Variants in PSME3 observed in about 807,000 individuals in gnomAD.
PSME3 encodes proteasome activator subunit 3.
A neutral mutation model predicts 38.3 loss-of-function variants in PSME3; 7 were observed. The observed-to-expected ratio is 0.18, with a 90% CI of 0.10 to 0.34. The LOEUF is 0.34. Ranked by LOEUF, PSME3 falls within the 10% of genes least tolerant of loss-of-function variation. The probability of loss-of-function intolerance (pLI) is 1.00; values close to 1 mark genes in which losing one functional copy is unlikely to be tolerated. For synonymous variants in PSME3, 108 were observed against 105.7 expected (o/e 1.02, Z -0.13); for missense variants, 192 against 307.6 (o/e 0.62, Z 2.81).
Position 42,838,144 on chromosome 17 carries a change from TGGTGGAC to T in PSME3, c.345_351del (p.Val116LeufsTer5). 6.2e-7 allele frequency: 1 copy of T among 1,614,160 alleles called. No homozygotes were observed. Among genetic ancestry groups the T allele is most frequent in the Non-Finnish European group, 8.5e-7 (1 of 1,180,028 alleles). Reference sequence around the variant, plus strand: ...GGGATGCTGAAAAGCAACCAGCAGCTGGTGGACATTATTGAGAAAGTGAAACCTGAGA... The same window carrying T: ...GGGATGCTGAAAAGCAACCAGCAGCTATTATTGAGAAAGTGAAACCTGAGA... On this transcript the variant is annotated frameshift_variant, in exon 6 of 11. Transcript: ENST00000590720. LOFTEE classifies it high-confidence loss of function.
In PSME3 at chr17:42,842,877, G is replaced by C. The variant is rs974796581; in HGVS notation, c.*1299G>C. The C allele has an allele frequency of 6.5e-6, 1 of 152,738 alleles. No homozygotes were observed. The highest frequency in any genetic ancestry group is 2.4e-5 in the African/African-American group (1 of 41,430). 9.5% of individuals were successfully genotyped at this position (152,738 alleles called of 1,614,324 possible). On this transcript the variant is annotated 3_prime_UTR_variant, in exon 11 of 11. Coordinates refer to ENST00000590720, the MANE Select transcript of PSME3 (RefSeq NM_005789.4). The stretch of plus-strand genomic sequence containing the variant: ...GCAGTCAGCCTGCCAGTGACTCTTA[G>C]TGTCTGTTTCTGACTTATTTTTCCT...
At position 42,842,049 on chromosome 17, in the gene PSME3, G is replaced by A. The variant is rs1555551937; in HGVS notation, c.*471G>A. On this transcript the variant is annotated 3_prime_UTR_variant, in exon 11 of 11. Coordinates refer to ENST00000590720, the MANE Select transcript of PSME3 (RefSeq NM_005789.4). ...GAGGTTACTGTTTCTTTCCTCTGTG[G>A]GGCATTGGATCCTCCCACAGTTGCC... is the stretch of plus-strand genomic sequence containing the variant. The A allele has an allele frequency of 6.5e-6, 1 of 153,032 alleles. No individual in the cohort carries two copies. 9.5% of individuals were successfully genotyped at this position (153,032 alleles called of 1,614,324 possible). A position where few individuals can be genotyped will look rare whatever the true frequency, so the allele number is the denominator to read the frequency against.
At chr17:42,841,369 A>T (rs1298456043) in intron 10 of PSME3, 129 bp from the exon 11 acceptor site, 6 of 434,474 alleles carry the variant, frequency 1.4e-5, no homozygotes, top group African/African-American at 2.0e-5. Flanking sequence ...GTTGCTAAGA[A>T]CCTATTGATG....
chr17:42,834,591 T>G lies in PSME3; in HGVS notation c.138+14T>G. 1 of 1,613,314 alleles carries G rather than the reference T, an allele frequency of 6.2e-7. No homozygotes were observed. On this transcript the variant is annotated intron_variant, in intron 3 of 10. Coordinates refer to ENST00000590720, the MANE Select transcript of PSME3 (RefSeq NM_005789.4). ...AGTTTTCTGAAGGTGAGAGACCCTA[T>G]TCTTTCCTCAAATTCCCCAATTTTT...
chr17:42,838,868 T>G, intron 7 of PSME3, 69 bp downstream of exon 7: 1 of 1,593,810 alleles, frequency 6.3e-7, no homozygotes, highest in Non-Finnish European at 8.6e-7. Context: ...TGCGTTACCT[T>G]TTTTTCCTTT....
At chr17:42,837,878 A>G in intron 5 of PSME3, 181 bp downstream of exon 5, 6 of 874,922 alleles carry the variant, frequency 6.9e-6, no homozygotes, top group Non-Finnish European at 8.9e-6. Context: ...GTTTTCCAAT[A>G]AACAGAGGAT....
At chr17:42,833,998 G>C (rs1199337032) in intron 1 of PSME3, 1 of 1,439,086 alleles carries the variant, frequency 6.9e-7, no homozygotes, top group East Asian at 2.5e-5. Context: ...CGGCTGGCCT[G>C]CCTAGTATCA....
At position 42,834,815 on chromosome 17, in the gene PSME3, A is replaced by G; in HGVS notation, c.182A>G (p.Asp61Gly). 6.2e-7 allele frequency: 1 copy of G among 1,614,150 alleles called. No individual in the cohort carries two copies. Among genetic ancestry groups the G allele is most frequent in the Non-Finnish European group, 8.5e-7 (1 of 1,180,012 alleles). ...CATGACCTAACTCAGATCCACTCTG[A>G]CATGAATCTCCCAGTCCCTGACCCC... is the stretch of plus-strand genomic sequence containing the variant. ...NIHDLTQIHS[D>G]MNLPVPDPIL... The change falls in exon 4 of 11, where the codon GAC becomes GGC. Residue 61 changes from aspartate to glycine, a missense_variant. This residue lies in a region of PSME3 where 110 missense variants were observed against 139.3 expected (regional missense o/e 0.79). Coordinates refer to ENST00000590720, the MANE Select transcript of PSME3 (RefSeq NM_005789.4).
intron 10 of PSME3, among the ~76,000 whole-genome samples, chr17:42,839,961 A>C (rs568345486): frequency 6.7e-6 from 1 of 148,852 alleles, no homozygotes; most frequent in South Asian, 2.1e-4. Context: ...GCTCCATTGC[A>C]CTCCAGCCTG....
intron 2 of PSME3, 60 bp downstream of exon 2, chr17:42,834,436 TGG>T: frequency 6.4e-7 from 1 of 1,550,940 alleles, no homozygotes; most frequent in Non-Finnish European, 8.8e-7. Flanking sequence ...AGGAGATACC[TGG>T]AGAGAGAGAG....
At chr17:42,837,808 T>A in intron 5 of PSME3, 111 bp downstream of exon 5, 1 of 1,286,320 alleles carries the variant, frequency 7.8e-7, no homozygotes, top group Non-Finnish European at 1.1e-6. Context: ...TAATCTTACT[T>A]CCCAGAGGTA....
In PSME3 at chr17:42,843,178, A is replaced by G. The variant is rs1428111494; in HGVS notation, c.*1600A>G. Reference sequence around the variant, plus strand: ...CTCACCCTATCACCCATGGATCGTAATGTAAAATTCTTTTACCATGTCAAG... The same window carrying G: ...CTCACCCTATCACCCATGGATCGTAGTGTAAAATTCTTTTACCATGTCAAG... On this transcript the variant is annotated 3_prime_UTR_variant, in exon 11 of 11. Transcript: ENST00000590720. 1 of 152,702 alleles carries G rather than the reference A, an allele frequency of 6.5e-6. No individual in the cohort carries two copies. Among genetic ancestry groups the G allele is most frequent in the African/African-American group, 2.4e-5 (1 of 41,418 alleles). 9.5% of individuals were successfully genotyped at this position (152,702 alleles called of 1,614,324 possible). A position where few individuals can be genotyped will look rare whatever the true frequency, so the allele number is the denominator to read the frequency against.
chr17:42,838,574 TC>T (rs954315503), intron 6 of PSME3, 156 bp from the exon 7 acceptor site: 14 of 758,574 alleles, frequency 1.8e-5, no homozygotes, highest in Non-Finnish European at 2.6e-5. Context: ...CGCTTCGGGG[TC>T]CCAAATTGCT....
intron 4 of PSME3, among the ~76,000 whole-genome samples, chr17:42,835,491 C>T (rs570661241): frequency 2.8e-4 from 42 of 152,134 alleles, no homozygotes; most frequent in Non-Finnish European, 4.7e-4. Context: ...TTTGGGAGGC[C>T]GACGTGGACG....
chr17:42,833,463 C>CGGCG lies in PSME3; in HGVS notation c.-159_-156dup, dbSNP rs1165040008. On this transcript the variant is annotated 5_prime_UTR_variant, in exon 1 of 11. Transcript: ENST00000590720. ...AGAGAGCAAGCAGGCAGCAGGCTGC[C>CGGCG]GGCGGGCGGGCGGACGGCACAGAGG... is the stretch of plus-strand genomic sequence containing the variant. 9.4e-6 allele frequency: 7 copies of CGGCG among 745,724 alleles called. No homozygotes were observed. Among genetic ancestry groups the CGGCG allele is most frequent in the African/African-American group, 3.5e-5 (2 of 56,490 alleles). 46.2% of individuals were successfully genotyped at this position (745,724 alleles called of 1,614,324 possible). A position where few individuals can be genotyped will look rare whatever the true frequency, so the allele number is the denominator to read the frequency against.
intron 5 of PSME3, 118 bp downstream of exon 5, chr17:42,837,815 G>C (rs1337289574): frequency 1.6e-6 from 2 of 1,226,580 alleles, no homozygotes; most frequent in Non-Finnish European, 2.4e-6. Context: ...ACTTCCCAGA[G>C]GTAGCATTCC....
At chr17:42,834,643 G>A in intron 3 of PSME3, 66 bp downstream of exon 3, 9 of 1,604,908 alleles carry the variant, frequency 5.6e-6, no homozygotes, top group Non-Finnish European at 7.7e-6. Flanking sequence ...TGTCAACTGG[G>A]ATAAACTGTT....
At position 42,834,812 on chromosome 17, in the gene PSME3, C is replaced by G; in HGVS notation, c.179C>G (p.Ser60Cys). The change falls in exon 4 of 11, where the codon TCT becomes TGT. Residue 60 changes from serine (S) to cysteine (C), a missense_variant. By Grantham distance (112) the Ser-to-Cys change is moderately radical. Transcript: ENST00000590720. ...LNIHDLTQIH[S>C]DMNLPVPDPI... ...ATCCATGACCTAACTCAGATCCACT[C>G]TGACATGAATCTCCCAGTCCCTGAC... 1.2e-6 allele frequency: 2 copies of G among 1,614,122 alleles called. No homozygotes were observed. Among genetic ancestry groups the G allele is most frequent in the South Asian group, 2.2e-5 (2 of 91,074 alleles).
chr17:42,838,568 T>C (rs1197626090), intron 6 of PSME3, 163 bp from the exon 7 acceptor site: 1 of 735,024 alleles, frequency 1.4e-6, no homozygotes, highest in Non-Finnish European at 2.3e-6. Context: ...TCCACCCGCT[T>C]CGGGGTCCCA....
Sources: gnomAD v4.1 joint callset for allele counts (sites outside exome capture counted in the v4.1 genomes callset) on GRCh38, gnomAD v4.1.1 for gene constraint, gnomAD v4.1.1 regional missense constraint, MANE v1.5 for transcripts, NCBI Gene and HGNC (gene_info 2026-07-23, HGNC 2026-07-21) for gene names.